STX12: variants seen among roughly 807,000 people sequenced by gnomAD.
STX12 encodes the protein syntaxin 12.
Under a neutral mutation model 42.2 loss-of-function variants are expected in STX12, and 17 were observed. The ratio of observed to expected loss-of-function variants is 0.40; its 90% CI spans 0.28 to 0.60. The LOEUF (loss-of-function observed/expected upper bound fraction) is 0.60. Ranked by LOEUF, STX12 falls within the 20% of genes least tolerant of loss-of-function variation. The pLI is 0.39. For missense variants in STX12, 297 were observed against 330.9 expected (o/e 0.90, Z 0.79); for synonymous variants, 108 against 116.7 (o/e 0.93, Z 0.48).
rs373301735 is a variant in STX12 at position 27,819,683 on chromosome 1, T to C, written c.683T>C (p.Val228Ala). ...SIEANVESSE[V>A]HVERATEQLQ... is the part of the protein sequence containing the mutation. ...GAAGCCAATGTGGAAAGCTCAGAGG[T>C]GCACGTCGAAAGAGCCACTGAACAG... The change falls in exon 8 of 9, where the codon GTG becomes GCG. Residue 228 changes from valine (V) to alanine (A), a missense_variant. Val to Ala is a moderately conservative substitution (Grantham distance 64). Transcript: ENST00000373943. The C allele has an allele frequency of 6.2e-7, 1 of 1,613,794 alleles. No homozygotes were observed. Among genetic ancestry groups the C allele is most frequent in the African/African-American group, 1.3e-5 (1 of 74,912 alleles).
At chr1:27,774,299 G>A (rs1412021539) in intron 1 of STX12, among the ~76,000 whole-genome samples, 2 of 152,180 alleles carry the variant, frequency 1.3e-5, no homozygotes, top group Non-Finnish European at 2.9e-5. Context: ...AGCTGAATGA[G>A]TCAAATACAG....
chr1:27,819,799 C>A, intron 8 of STX12, 67 bp downstream of exon 8: 2 of 1,382,734 alleles, frequency 1.4e-6, no homozygotes, highest in Non-Finnish European at 1.0e-6. Flanking sequence ...AGTACATTGA[C>A]ATATTGAGAA....
intron 5 of STX12, among the ~76,000 whole-genome samples, chr1:27,810,591 G>A (rs2088896209): frequency 6.6e-6 from 1 of 152,130 alleles, no homozygotes. Context: ...CTACAGATTA[G>A]GAAGTCTAAG....
intron 4 of STX12, among the ~76,000 whole-genome samples, chr1:27,804,518 A>C (rs1424633693): frequency 6.6e-6 from 1 of 151,794 alleles, no homozygotes; most frequent in African/African-American, 2.4e-5. Flanking sequence ...TCTGCTATAA[A>C]GAACTGCCCG....
chr1:27,810,304 C>A lies in STX12; in HGVS notation c.470+15C>A. ...TCATTTGACAGGTAATAGAATTATT[C>A]ATACAACCTGCTGGATAGTTGAGAT... On this transcript the variant is annotated intron_variant, in intron 5 of 8. Transcript: ENST00000373943. 1 of 1,607,008 alleles carries A rather than the reference C, an allele frequency of 6.2e-7. No homozygotes were observed. The highest frequency in any genetic ancestry group is 8.5e-7 in the Non-Finnish European group (1 of 1,174,158).
intron 6 of STX12, among the ~76,000 whole-genome samples, chr1:27,814,385 C>T (rs958580505): frequency 2.0e-5 from 3 of 151,108 alleles, no homozygotes; most frequent in Admixed American, 6.6e-5. Context: ...AAAAATTAAC[C>T]GGGTGCTGTA....
intron 6 of STX12, among the ~76,000 whole-genome samples, chr1:27,815,050 GTAAAATAGTAATGTAGTA>G (rs1396181242): frequency 2.0e-5 from 3 of 152,116 alleles, no homozygotes; most frequent in African/African-American, 4.8e-5. Flanking sequence ...TAAGTGCTAT[GTAAAATAGTAATGTAGTA>G]TAAAATAGTA....
At chr1:27,806,086 T>C (rs1485078650) in intron 4 of STX12, among the ~76,000 whole-genome samples, 1 of 152,164 alleles carries the variant, frequency 6.6e-6, no homozygotes, top group Non-Finnish European at 1.5e-5. Flanking sequence ...TTTTACAATA[T>C]AAAAAAATAC....
At chr1:27,781,624 A>G (rs950197538) in intron 1 of STX12, among the ~76,000 whole-genome samples, 15 of 152,216 alleles carry the variant, frequency 9.9e-5, no homozygotes, top group African/African-American at 3.6e-4. Context: ...ATTTTGGTGT[A>G]TTTCCTTTGA....
Position 27,799,486 on chromosome 1 carries a change from T to TG in STX12, c.289-2192_289-2191insG, listed in dbSNP as rs532449202. Among the ~76,000 whole-genome samples, 36 of 149,154 alleles carry TG rather than the reference T, an allele frequency of 2.4e-4. No individual in the cohort carries two copies. The South Asian group carries it at 6.2e-3, about 26-fold the overall frequency. On this transcript the variant is annotated intron_variant, in intron 3 of 8. Coordinates refer to ENST00000373943, the MANE Select transcript of STX12 (RefSeq NM_177424.3). ...CCAAACTCATTAGCTTGTTTTTTTT[T>TG]TTGTTTTTTTTTTTGAGACAGAACC...
At chr1:27,797,393 C>G (rs1407305806) in intron 3 of STX12, among the ~76,000 whole-genome samples, 1 of 152,038 alleles carries the variant, frequency 6.6e-6, no homozygotes, top group African/African-American at 2.4e-5. Context: ...ATCCTCTTGC[C>G]TATCCCGTCT....
At position 27,794,202 on chromosome 1, in the gene STX12, T is replaced by G. The variant is rs970524846; in HGVS notation, c.288+570T>G. Among the ~76,000 whole-genome samples, 4 of 152,164 alleles carry G rather than the reference T, an allele frequency of 2.6e-5. No homozygotes were observed. The East Asian group carries it at 7.7e-4, about 29-fold the overall frequency. ...ACCACACCCAGCTAATTTTAACAAT[T>G]TTTTTGTACAGACATGGTCTTGCTT... On this transcript the variant is annotated intron_variant, in intron 3 of 8. Transcript: ENST00000373943.
intron 1 of STX12, among the ~76,000 whole-genome samples, chr1:27,786,429 CA>C (rs777634947): frequency 7.9e-5 from 12 of 152,178 alleles, no homozygotes; most frequent in Non-Finnish European, 1.2e-4. Flanking sequence ...CCACCACTGT[CA>C]CTTCAGCTCT....
chr1:27,818,667 T>G (rs2088961038), intron 7 of STX12, among the ~76,000 whole-genome samples: 2 of 151,840 alleles, frequency 1.3e-5, no homozygotes, highest in Non-Finnish European at 2.9e-5. Flanking sequence ...TTTGCTGTTG[T>G]TGCCCAGGCT....
intron 7 of STX12, among the ~76,000 whole-genome samples, chr1:27,819,287 AAAAG>A (rs1156829216): frequency 2.0e-5 from 3 of 151,714 alleles, no homozygotes; most frequent in Admixed American, 1.3e-4. Context: ...AAAAAAAAAA[AAAAG>A]GTAGCAAAAA....
At chr1:27,789,410 G>A (rs764953381) in intron 1 of STX12, 152 bp from the exon 2 acceptor site, 1 of 454,824 alleles carries the variant, frequency 2.2e-6, no homozygotes, top group Non-Finnish European at 3.9e-6. Flanking sequence ...GGAGGAATGT[G>A]TGTGTCAAGG....
Position 27,822,486 on chromosome 1 carries a change from C to T in STX12, c.*157C>T, listed in dbSNP as rs2088991840. 1.9e-6 allele frequency: 1 copy of T among 538,984 alleles called. No individual in the cohort carries two copies. Among genetic ancestry groups the T allele is most frequent in the African/African-American group, 1.9e-5 (1 of 53,158 alleles). The allele number at this position is 538,984 out of a possible 1,614,324, so 33.4% of individuals were successfully genotyped here. On this transcript the variant is annotated 3_prime_UTR_variant, in exon 9 of 9. Coordinates refer to ENST00000373943, the MANE Select transcript of STX12 (RefSeq NM_177424.3). ...ACTAACTAGTCTTTGGAATTCGTGA[C>T]CTATGGAGACAGTAATTATCAATTT...
At chr1:27,815,724 G>A (rs2088936866) in intron 6 of STX12, among the ~76,000 whole-genome samples, 2 of 152,168 alleles carry the variant, frequency 1.3e-5, no homozygotes, top group Admixed American at 1.3e-4. Context: ...TAGACTCTTA[G>A]CAAGTGATTG....
chr1:27,805,889 AG>A (rs1174207974), intron 4 of STX12, among the ~76,000 whole-genome samples: 1 of 152,214 alleles, frequency 6.6e-6, no homozygotes, highest in African/African-American at 2.4e-5. Flanking sequence ...GACAAAAGTT[AG>A]TTGCATTGTA....
Sources: gnomAD v4.1 joint callset for allele counts (sites outside exome capture counted in the v4.1 genomes callset) on GRCh38, gnomAD v4.1.1 for gene constraint, MANE v1.5 for transcripts, NCBI Gene and HGNC (gene_info 2026-07-23, HGNC 2026-07-21) for gene names.